The following HCRTR2 variants were observed in gnomAD, a reference collection of about 807,000 sequenced individuals.
HCRTR2 encodes hypocretin receptor 2, also known as orexin receptor type 2.
HCRTR2 carries 22 observed loss-of-function variants against 49.0 expected under a neutral mutation model. That is an observed-to-expected ratio of 0.45 (90% CI 0.32 to 0.64). The LOEUF (loss-of-function observed/expected upper bound fraction) is 0.64, where lower values mean the gene tolerates loss of function less well. Among genes scored for constraint, HCRTR2 ranks in the 30% least tolerant of loss-of-function variants. The pLI is 0.04. For synonymous variants in HCRTR2, 236 were observed against 205.3 expected, an observed-to-expected ratio of 1.15 and a Z score of -1.28; for missense variants, 491 against 559.4, an observed-to-expected ratio of 0.88 and a Z score of 1.23.
intron 1 of HCRTR2, among the ~76,000 whole-genome samples, chr6:55,199,752 G>T (rs937294648): frequency 9.9e-5 from 15 of 152,064 alleles, no homozygotes; most frequent in African/African-American, 3.6e-4. Flanking sequence ...GGCGAAAAAG[G>T]CTTCATCATA....
At chr6:55,158,690 G>A (rs1407563366) in intron 1 of HCRTR2, among the ~76,000 whole-genome samples, 1 of 152,218 alleles carries the variant, frequency 6.6e-6, no homozygotes, top group African/African-American at 2.4e-5. Flanking sequence ...AAGCCACTGG[G>A]AAGTTAAAGT....
chr6:55,135,780 A>G (rs967001674), intron 1 of HCRTR2, among the ~76,000 whole-genome samples: 1 of 152,190 alleles, frequency 6.6e-6, no homozygotes, highest in Admixed American at 6.6e-5. Flanking sequence ...TAACTCAGTA[A>G]GTAGTAGAGC....
intron 1 of HCRTR2, among the ~76,000 whole-genome samples, chr6:55,219,252 C>T (rs969336727): frequency 6.6e-6 from 1 of 152,204 alleles, no homozygotes; most frequent in African/African-American, 2.4e-5. Context: ...ATGCATTCTT[C>T]TAATGCACAC....
intron 1 of HCRTR2, among the ~76,000 whole-genome samples, chr6:55,191,551 A>C (rs1056986193): frequency 1.3e-5 from 2 of 152,190 alleles, no homozygotes; most frequent in Admixed American, 6.5e-5. Context: ...ACATTGTGAA[A>C]TACTGGTGCT....
chr6:55,132,374 A>T (rs564812609), intron 1 of HCRTR2, among the ~76,000 whole-genome samples: 1 of 151,998 alleles, frequency 6.6e-6, no homozygotes, highest in South Asian at 2.1e-4. Context: ...AGTAGCGAGA[A>T]GGATTCTAAA....
At chr6:55,115,508 G>A (rs892365842) in intron 1 of HCRTR2, among the ~76,000 whole-genome samples, 3 of 142,232 alleles carry the variant, frequency 2.1e-5, no homozygotes, top group African/African-American at 7.8e-5. Context: ...GTGTGTGTGT[G>A]TGTGGTAGTA....
intron 1 of HCRTR2, among the ~76,000 whole-genome samples, chr6:55,152,742 C>T (rs1159073216): frequency 2.0e-5 from 3 of 151,938 alleles, no homozygotes; most frequent in African/African-American, 7.2e-5. Context: ...GGCAAAGCTT[C>T]CCAAAGGCCT....
intron 1 of HCRTR2, among the ~76,000 whole-genome samples, chr6:55,128,964 A>G (rs1764317997): frequency 1.3e-5 from 2 of 152,114 alleles, no homozygotes; most frequent in Admixed American, 6.6e-5. Flanking sequence ...TCTGCATCTG[A>G]TACAGAAGAC....
intron 1 of HCRTR2, among the ~76,000 whole-genome samples, chr6:55,185,675 A>T (rs1404668143): frequency 7.3e-6 from 1 of 136,814 alleles, no homozygotes; most frequent in East Asian, 1.9e-4. Flanking sequence ...CAAATTCAGG[A>T]CATATTTTCA....
intron 2 of HCRTR2, 69 bp from the exon 3 acceptor site, chr6:55,255,067 T>C (rs1766623477): frequency 1.9e-6 from 3 of 1,548,092 alleles, no homozygotes; most frequent in Admixed American, 1.8e-5. Context: ...TCTCATATAG[T>C]AAATATATTA....
chr6:55,126,425 G>C (rs1054906613), intron 1 of HCRTR2, among the ~76,000 whole-genome samples: 6 of 152,196 alleles, frequency 3.9e-5, no homozygotes, highest in African/African-American at 1.4e-4. Flanking sequence ...AGTATCACCA[G>C]AGGAGGCTGT....
chr6:55,217,502 C>T (rs1423500550), intron 1 of HCRTR2, among the ~76,000 whole-genome samples: 3 of 152,100 alleles, frequency 2.0e-5, no homozygotes, highest in Admixed American at 6.5e-5. Context: ...AGATATTTTA[C>T]TTTATTATTG....
chr6:55,164,630 G>C (rs908325841), intron 1 of HCRTR2, among the ~76,000 whole-genome samples: 2 of 152,114 alleles, frequency 1.3e-5, no homozygotes, highest in Admixed American at 6.6e-5. Context: ...GTCAGGCAGT[G>C]GGGGGCTAGG....
chr6:55,107,610 A>T (rs983265793), intron 1 of HCRTR2, among the ~76,000 whole-genome samples: 1 of 152,054 alleles, frequency 6.6e-6, no homozygotes, highest in African/African-American at 2.4e-5. Context: ...TCTAATCTTT[A>T]AAAAAATGTA....
At chr6:55,273,239 A>C (rs1767009173) in intron 4 of HCRTR2, among the ~76,000 whole-genome samples, 1 of 151,948 alleles carries the variant, frequency 6.6e-6, no homozygotes, top group Admixed American at 6.6e-5. Flanking sequence ...CTGAACAGGG[A>C]AATGTAAGGG....
At chr6:55,213,835 A>G (rs535462586) in intron 1 of HCRTR2, among the ~76,000 whole-genome samples, 4 of 152,296 alleles carry the variant, frequency 2.6e-5, no homozygotes, top group Admixed American at 6.5e-5. Context: ...AACAGTTTGG[A>G]CTAGCATGCA....
chr6:55,251,250 A>C (rs577698951), intron 2 of HCRTR2, among the ~76,000 whole-genome samples: 1 of 152,240 alleles, frequency 6.6e-6, no homozygotes, highest in African/African-American at 2.4e-5. Context: ...TTAATTTGCT[A>C]TAATTTATAT....
intron 1 of HCRTR2, among the ~76,000 whole-genome samples, chr6:55,225,585 T>A (rs913487821): frequency 6.6e-6 from 1 of 152,080 alleles, no homozygotes; most frequent in Non-Finnish European, 1.5e-5. Context: ...GAATAAAAAT[T>A]TGCACCCCAC....
chr6:55,255,364 G>A lies in HCRTR2; in HGVS notation c.631G>A (p.Asp211Asn). 1.2e-6 allele frequency: 2 copies of A among 1,614,034 alleles called. No individual in the cohort carries two copies. ...ANKTTLFTVC[D>N]ERWGGEIYPK... ...TAAAACCACCCTCTTTACGGTGTGT[G>A]ATGAGCGCTGGGGTGGTAAGTACCT... The change falls in exon 3 of 7, where the codon GAT (aspartate) becomes AAT (asparagine). Residue 211 changes from aspartate (D) to asparagine (N), a missense_variant. By Grantham distance (23) the Asp-to-Asn change is conservative (BLOSUM62 1). Coordinates refer to ENST00000370862, the MANE Select transcript of HCRTR2 (RefSeq NM_001384272.1).
Sources: gnomAD v4.1 joint callset for allele counts (sites outside exome capture counted in the v4.1 genomes callset) on GRCh38, gnomAD v4.1.1 for gene constraint, MANE v1.5 for transcripts, NCBI Gene and HGNC (gene_info 2026-07-23, HGNC 2026-07-21) for gene names.